BCOR: variants seen among roughly 807,000 people sequenced by gnomAD.
The protein encoded by BCOR is BCL6 corepressor.
BCOR carries 10 observed loss-of-function variants against 86.7 expected under a neutral mutation model. That is an observed-to-expected ratio of 0.12 (90% CI 0.07 to 0.20). The LOEUF (loss-of-function observed/expected upper bound fraction) is 0.20. Among genes scored for constraint, BCOR ranks in the 10% least tolerant of loss-of-function variants. The probability of loss-of-function intolerance (pLI) is 1.00; values close to 1 mark genes in which losing one functional copy is unlikely to be tolerated. For synonymous variants in BCOR, 611 were observed against 609.0 expected (o/e 1.00, Z -0.05); for missense variants, 1,259 against 1,452.1 (o/e 0.87, Z 2.16).
intron 1 of BCOR, among the ~76,000 whole-genome samples, chrX:40,090,477 C>T (rs1406966540): frequency 8.9e-5 from 10 of 112,786 alleles, no homozygotes; most frequent in Non-Finnish European, 1.9e-4. Flanking sequence ...GCGGGGCTGG[C>T]CCTCCTAACC....
intron 1 of BCOR, among the ~76,000 whole-genome samples, chrX:40,115,978 C>A (rs939301389): frequency 9.0e-6 from 1 of 111,358 alleles, no homozygotes; most frequent in Non-Finnish European, 1.9e-5. Flanking sequence ...AAAGACTACT[C>A]TTGTCCTTAC....
rs144795138 is a variant in BCOR, at chrX:40,063,706, G to C, written c.3749C>G (p.Thr1250Ser). The change falls in exon 8 of 15, where the codon ACT (threonine) becomes AGT (serine). Residue 1250 changes from threonine (T) to serine (S), a missense_variant. Thr to Ser is a moderately conservative substitution (Grantham distance 58). This residue lies in a region of BCOR where 305 missense variants were observed against 286.1 expected (regional missense o/e 1.07). Coordinates refer to ENST00000378444, the MANE Select transcript of BCOR (RefSeq NM_001123385.2). Reference sequence around the variant, plus strand: ...GCCAGGTTTCTCTTCAGTGATGTTAGTCCCCTGAGGAATGGCCTCAGGCTG... The same window carrying C: ...GCCAGGTTTCTCTTCAGTGATGTTACTCCCCTGAGGAATGGCCTCAGGCTG... Reference protein sequence around the residue: ...ATQPEAIPQGTNITEEKPGRK... With the variant: ...ATQPEAIPQGSNITEEKPGRK... 2.5e-6 allele frequency: 3 copies of C among 1,209,829 alleles called. No homozygotes were observed. The highest frequency in any genetic ancestry group is 3.4e-6 in the Non-Finnish European group (3 of 894,847).
intron 1 of BCOR, among the ~76,000 whole-genome samples, chrX:40,158,494 A>G (rs905133212): frequency 2.7e-5 from 3 of 112,366 alleles, no homozygotes; most frequent in African/African-American, 9.6e-5. Context: ...GTCGGGGACG[A>G]TGGGGCGGCC....
At chrX:40,155,266 G>A (rs1251615014) in intron 1 of BCOR, among the ~76,000 whole-genome samples, 3 of 112,662 alleles carry the variant, frequency 2.7e-5, no homozygotes, top group Non-Finnish European at 5.6e-5. Flanking sequence ...TTACGAAACC[G>A]CTTTTGTATC....
chrX:40,116,817 A>G (rs1043862870), intron 1 of BCOR, among the ~76,000 whole-genome samples: 1 of 112,682 alleles, frequency 8.9e-6, no homozygotes, highest in African/African-American at 3.2e-5. Context: ...CCCTGAGGAC[A>G]CGATGGGCAA....
Position 40,063,804 on chromosome X carries a change from T to G in BCOR, c.3651A>C (p.Arg1217=). The part of the protein sequence containing the change: ...KQRHLLHLRE[R]WEQQVSAADG... Reference sequence around the variant, plus strand: ...CTGCTGCCGACACCTGCTGCTCCCATCGTTCTCTAAGGTGCAGCAAGTGGC... The same window carrying G: ...CTGCTGCCGACACCTGCTGCTCCCAGCGTTCTCTAAGGTGCAGCAAGTGGC... The change falls in exon 8 of 15, where the codon CGA becomes CGC. Residue 1217 remains arginine, a synonymous_variant. Transcript: ENST00000378444. The G allele has an allele frequency of 2.5e-6, 3 of 1,211,791 alleles. No homozygotes were observed. The highest frequency in any genetic ancestry group is 3.4e-6 in the Non-Finnish European group (3 of 895,501).
chrX:40,086,170 C>A (rs1027042994), intron 1 of BCOR, among the ~76,000 whole-genome samples: 14 of 109,865 alleles, frequency 1.3e-4, no homozygotes, highest in Non-Finnish European at 2.3e-4. Flanking sequence ...TGCACACTTG[C>A]ATTTCCAAGC....
chrX:40,077,579 G>T, intron 2 of BCOR: 1 of 403,052 alleles, frequency 2.5e-6, no homozygotes, highest in Non-Finnish European at 4.4e-6. Context: ...ATATAGACTG[G>T]GATTAATTCT....
Position 40,097,895 on chromosome X carries a change from G to C in BCOR, c.-721C>G, listed in dbSNP as rs1936972339. ...CGTCTCCCCCGCAGCCGCCGAGCTC[G>C]GCCCGCGTTCAGCGAGGAGCGCAGC... On this transcript the variant is annotated 5_prime_UTR_variant, in exon 1 of 15. Coordinates refer to ENST00000378444, the MANE Select transcript of BCOR (RefSeq NM_001123385.2). Among the ~76,000 whole-genome samples, 1 of 109,338 alleles carries C rather than the reference G, an allele frequency of 9.1e-6. No homozygotes were observed. The highest frequency in any genetic ancestry group is 9.4e-5 in the Admixed American group (1 of 10,583). 94.9% of individuals were successfully genotyped at this position (109,338 alleles called of 115,157 possible). A position where few individuals can be genotyped will look rare whatever the true frequency, so the allele number is the denominator to read the frequency against.
intron 1 of BCOR, among the ~76,000 whole-genome samples, chrX:40,133,560 T>C (rs978805850): frequency 8.1e-5 from 9 of 110,596 alleles, no homozygotes; most frequent in Non-Finnish European, 1.3e-4. Context: ...CCCGGGTTCA[T>C]GCCATTCTCT....
intron 1 of BCOR, among the ~76,000 whole-genome samples, chrX:40,121,787 G>A (rs758565522): frequency 1.8e-5 from 2 of 111,965 alleles, no homozygotes; most frequent in South Asian, 3.7e-4. Flanking sequence ...TCAGGTAGCC[G>A]AGCAACAAGT....
chrX:40,055,313 G>T, intron 12 of BCOR, 55 bp downstream of exon 12: 1 of 1,090,546 alleles, frequency 9.2e-7, no homozygotes, highest in South Asian at 1.9e-5. Flanking sequence ...ATCATCTATT[G>T]TATCGAGTTA....
In BCOR at chrX:40,072,693, C is replaced by T. The variant is rs769875893; in HGVS notation, c.2653G>A (p.Ala885Thr). The change falls in exon 4 of 15, where the codon GCA (alanine) becomes ACA (threonine). Residue 885 changes from alanine (A) to threonine (T), a missense_variant. Coordinates refer to ENST00000378444, the MANE Select transcript of BCOR (RefSeq NM_001123385.2). The part of the protein sequence containing the change: ...VFTVSKDSVL[A>T]GTNKENLGLP... ...CCTAGGTTCTCTTTGTTGGTACCTG[C>T]CAGAACACTGTCCTTGCTTACGGTG... 2.1e-5 allele frequency: 26 copies of T among 1,211,964 alleles called. No homozygotes were observed. Among genetic ancestry groups the T allele is most frequent in the Non-Finnish European group, 2.8e-5 (25 of 895,543 alleles).
At position 40,071,670 on chromosome X, in the gene BCOR, G is replaced by C. The variant is rs375649168; in HGVS notation, c.3018C>G (p.Asp1006Glu). Residue 1006 changes from aspartate to glutamate, a missense_variant, in exon 5 of 15, where the codon GAC becomes GAG. Physicochemically the swap from Asp to Glu is conservative, Grantham distance 45. Coordinates refer to ENST00000378444, the MANE Select transcript of BCOR (RefSeq NM_001123385.2). ...AAGCAGCGGGTAGACATAAAATACT[G>C]TCCTCTTGTAATCCTTCCATCTATG... ...RALQMEGLQE[D>E]SILCLPAAYC... 54 of 1,190,975 alleles carry C rather than the reference G, an allele frequency of 4.5e-5. No individual in the cohort carries two copies. The highest frequency in any genetic ancestry group is 5.5e-5 in the Non-Finnish European group (48 of 878,029).
chrX:40,119,693 A>G (rs1937454567), intron 1 of BCOR, among the ~76,000 whole-genome samples: 1 of 110,755 alleles, frequency 9.0e-6, no homozygotes, highest in African/African-American at 3.3e-5. Context: ...TGGGGAGCAC[A>G]GTGGGACTCC....
intron 11 of BCOR, among the ~76,000 whole-genome samples, 153 bp from the exon 12 acceptor site, chrX:40,055,666 C>T (rs1934558045): frequency 9.0e-6 from 1 of 111,575 alleles, no homozygotes; most frequent in Admixed American, 9.5e-5. Context: ...GAGGTGTGCA[C>T]AGTCACCGCC....
chrX:40,094,530 G>T (rs902212271), intron 1 of BCOR, among the ~76,000 whole-genome samples: 2 of 113,337 alleles, frequency 1.8e-5, no homozygotes, highest in East Asian at 5.6e-4. Flanking sequence ...AGCTCCGCGC[G>T]CTGGGCAGTC....
At chrX:40,100,510 C>T (rs1227089479), upstream of BCOR, among the ~76,000 whole-genome samples, 1 of 111,995 alleles carries the variant, frequency 8.9e-6, no homozygotes, top group African/African-American at 3.2e-5. Context: ...AGCTCGGGGC[C>T]TGCAGCCTCT....
At chrX:40,158,391 G>A (rs1569199287) in intron 1 of BCOR, among the ~76,000 whole-genome samples, 2 of 112,051 alleles carry the variant, frequency 1.8e-5, no homozygotes, top group South Asian at 3.5e-4. Flanking sequence ...GGAGCCGCAG[G>A]CTGGGCCGGG....
Sources: allele counts gnomAD v4.1 joint callset (sites outside exome capture counted in the v4.1 genomes callset), GRCh38; gene constraint gnomAD v4.1.1; regional missense constraint gnomAD v4.1.1; transcripts MANE v1.5; gene names NCBI Gene and HGNC (gene_info 2026-07-23, HGNC 2026-07-21).